SSBP2: variants seen among roughly 807,000 people sequenced by gnomAD.
SSBP2 encodes single-stranded DNA-binding protein 2.
In SSBP2, 17 loss-of-function variants were observed where a neutral mutation model predicts 61.8. The observed-to-expected ratio is 0.28, with a 90% CI of 0.19 to 0.41. The LOEUF is 0.41. SSBP2 is among the 10% of genes least tolerant of loss of function. SSBP2 has a pLI of 1.00. For synonymous variants in SSBP2, 139 were observed against 141.3 expected (o/e 0.98, Z 0.12); for missense variants, 310 against 458.7 (o/e 0.68, Z 2.96).
intron 5 of SSBP2, among the ~76,000 whole-genome samples, chr5:81,500,328 C>T (rs1767608781): frequency 6.6e-6 from 1 of 152,102 alleles, no homozygotes; most frequent in South Asian, 2.1e-4. Flanking sequence ...ATTCTCCTGC[C>T]TCAGCCTCCC....
intron 4 of SSBP2, among the ~76,000 whole-genome samples, chr5:81,608,124 T>C (rs1010293624): frequency 6.6e-6 from 1 of 152,162 alleles, no homozygotes; most frequent in African/African-American, 2.4e-5. Flanking sequence ...TAACCCACTC[T>C]TATCCCTTAA....
chr5:81,628,839 C>T (rs1207581148), intron 3 of SSBP2, among the ~76,000 whole-genome samples: 1 of 152,318 alleles, frequency 6.6e-6, no homozygotes, highest in Middle Eastern at 3.4e-3. Context: ...CATTCTGAGG[C>T]CTTTGCCTCT....
At chr5:81,724,713 T>C (rs191783500) in intron 1 of SSBP2, among the ~76,000 whole-genome samples, 319 of 152,210 alleles carry the variant, frequency 2.1e-3, no homozygotes, top group African/African-American at 7.3e-3. Context: ...GGATATGTAA[T>C]ATCGGGTTAG....
chr5:81,521,708 T>A (rs1357313392), intron 4 of SSBP2, among the ~76,000 whole-genome samples: 2 of 152,026 alleles, frequency 1.3e-5, no homozygotes, highest in Non-Finnish European at 2.9e-5. Flanking sequence ...ATTACTTGCC[T>A]GGAATAATGT....
At chr5:81,504,396 G>C (rs1480442180) in intron 5 of SSBP2, among the ~76,000 whole-genome samples, 1 of 152,112 alleles carries the variant, frequency 6.6e-6, no homozygotes, top group African/African-American at 2.4e-5. Flanking sequence ...TTGGATTTCT[G>C]TTATCTATGA....
chr5:81,655,348 G>A (rs1013093689), intron 1 of SSBP2, among the ~76,000 whole-genome samples: 1 of 152,014 alleles, frequency 6.6e-6, no homozygotes, highest in African/African-American at 2.4e-5. Context: ...AGTAGCTAAT[G>A]TGATCTAAAT....
chr5:81,610,511 G>C (rs529359402), intron 4 of SSBP2, among the ~76,000 whole-genome samples: 1 of 152,234 alleles, frequency 6.6e-6, no homozygotes, highest in East Asian at 1.9e-4. Flanking sequence ...TAAAGCACCT[G>C]ATCTTTGGGA....
In SSBP2 at chr5:81,513,719, T is replaced by C. The variant is rs1276551745; in HGVS notation, c.283-2A>G. On this transcript the variant is annotated splice_acceptor_variant, in intron 4 of 16. Coordinates refer to ENST00000320672, the MANE Select transcript of SSBP2 (RefSeq NM_012446.5). LOFTEE classifies it high-confidence loss of function. ...TGGACTGGGAGCTGCTGCAGCACTC[T>C]GCAAAGAATAAAGGAGAAACAAACC... 1.2e-6 allele frequency: 2 copies of C among 1,606,884 alleles called. No individual in the cohort carries two copies. Among genetic ancestry groups the C allele is most frequent in the Non-Finnish European group, 1.7e-6 (2 of 1,174,872 alleles).
intron 1 of SSBP2, among the ~76,000 whole-genome samples, chr5:81,736,568 G>A (rs1756640655): frequency 6.6e-6 from 1 of 151,890 alleles, no homozygotes; most frequent in African/African-American, 2.4e-5. Flanking sequence ...TGCATGTATG[G>A]ATATTAAAAA....
intron 4 of SSBP2, among the ~76,000 whole-genome samples, chr5:81,539,986 T>C (rs1771128077): frequency 6.6e-6 from 1 of 152,142 alleles, no homozygotes; most frequent in South Asian, 2.1e-4. Flanking sequence ...AGTGAGAACA[T>C]GCAGTGTTTG....
intron 4 of SSBP2, among the ~76,000 whole-genome samples, chr5:81,514,020 C>T (rs891663341): frequency 1.3e-5 from 2 of 152,042 alleles, no homozygotes; most frequent in African/African-American, 4.8e-5. Flanking sequence ...TTAGTAAATG[C>T]TTTATTTTAA....
At chr5:81,426,235 T>C (rs901286815) in intron 16 of SSBP2, among the ~76,000 whole-genome samples, 18 of 152,182 alleles carry the variant, frequency 1.2e-4, no homozygotes, top group Non-Finnish European at 2.9e-5. Context: ...TAAACAAAAA[T>C]GTATAGTAAT....
At chr5:81,422,579 T>A (rs1005162960) in intron 16 of SSBP2, among the ~76,000 whole-genome samples, 6 of 152,028 alleles carry the variant, frequency 3.9e-5, no homozygotes, top group Admixed American at 3.9e-4. Flanking sequence ...TACAGGAAAG[T>A]GAAATTACAT....
intron 5 of SSBP2, among the ~76,000 whole-genome samples, chr5:81,502,830 G>A (rs181470374): frequency 5.9e-5 from 9 of 152,060 alleles, no homozygotes; most frequent in Non-Finnish European, 1.0e-4. Flanking sequence ...CTAATTAAAC[G>A]TAAGAGCTTC....
chr5:81,533,696 T>C (rs1006122407), intron 4 of SSBP2, among the ~76,000 whole-genome samples: 1 of 151,916 alleles, frequency 6.6e-6, no homozygotes, highest in Non-Finnish European at 1.5e-5. Context: ...GACAAACAGG[T>C]AGATACAGAC....
chr5:81,500,278 A>C (rs1394352311), intron 5 of SSBP2, among the ~76,000 whole-genome samples: 1 of 152,032 alleles, frequency 6.6e-6, no homozygotes, highest in Non-Finnish European at 1.5e-5. Flanking sequence ...CAGTGGCGCT[A>C]TCTCGCCTCA....
intron 5 of SSBP2, among the ~76,000 whole-genome samples, chr5:81,492,636 G>A (rs374022356): frequency 6.6e-6 from 1 of 151,772 alleles, no homozygotes; most frequent in East Asian, 1.9e-4. Context: ...AAGGTATCAT[G>A]ATGGTGAATC....
chr5:81,650,379 T>TAA (rs759078681), intron 1 of SSBP2, 40 bp from the exon 2 acceptor site: 1 of 1,358,526 alleles, frequency 7.4e-7, no homozygotes, highest in South Asian at 1.4e-5. Flanking sequence ...AGAGGAATAT[T>TAA]AAAATTCATT....
At chr5:81,629,625 CAAG>C (rs1442231815) in intron 3 of SSBP2, among the ~76,000 whole-genome samples, 4 of 152,172 alleles carry the variant, frequency 2.6e-5, no homozygotes, top group African/African-American at 9.7e-5. Flanking sequence ...CTAACTCTCC[CAAG>C]CTAAAGTGAG....
Sources: gnomAD v4.1 joint callset for allele counts (sites outside exome capture counted in the v4.1 genomes callset) on GRCh38, gnomAD v4.1.1 for gene constraint, MANE v1.5 for transcripts, NCBI Gene and HGNC (gene_info 2026-07-23, HGNC 2026-07-21) for gene names.